TUBGCP3: variants seen among roughly 807,000 people sequenced by gnomAD.
The protein encoded by TUBGCP3 is tubulin gamma complex component 3.
In TUBGCP3, 50 loss-of-function variants were observed where a neutral mutation model predicts 123.1. That is an observed-to-expected ratio of 0.41 (90% confidence interval 0.32 to 0.51). The LOEUF is 0.51. TUBGCP3 is among the 20% of genes least tolerant of loss of function. The probability of loss-of-function intolerance (pLI) is 0.36; values close to 1 mark genes in which losing one functional copy is unlikely to be tolerated. For missense variants in TUBGCP3, 882 were observed against 1,127.0 expected, an observed-to-expected ratio of 0.78 and a Z score of 3.11; for synonymous variants, 405 against 413.9, an observed-to-expected ratio of 0.98 and a Z score of 0.26.
intron 17 of TUBGCP3, among the ~76,000 whole-genome samples, chr13:112,512,427 CAAAAAAAA>C (rs35550857): frequency 5.1e-5 from 2 of 39,460 alleles, no homozygotes; most frequent in Admixed American, 2.7e-4. Context: ...GACTCTGTCT[CAAAAAAAA>C]AAAAAAAAAA....
chr13:112,585,612 A>C (rs866651100), intron 1 of TUBGCP3, among the ~76,000 whole-genome samples: 2 of 152,066 alleles, frequency 1.3e-5, no homozygotes, highest in African/African-American at 4.8e-5. Flanking sequence ...TCTCTACTAA[A>C]AACACAAAAA....
chr13:112,497,249 G>A (rs898739382), intron 20 of TUBGCP3, among the ~76,000 whole-genome samples: 2 of 152,190 alleles, frequency 1.3e-5, no homozygotes, highest in Admixed American at 1.3e-4. Context: ...AAGCCAGTAA[G>A]TTATAGAGTT....
intron 13 of TUBGCP3, among the ~76,000 whole-genome samples, chr13:112,522,919 G>A (rs767725835): frequency 2.6e-5 from 4 of 152,174 alleles, no homozygotes; most frequent in South Asian, 4.1e-4. Flanking sequence ...TGTACAACTC[G>A]CAAAAGTTGA....
At chr13:112,560,570 C>G (rs1467110886) in intron 3 of TUBGCP3, among the ~76,000 whole-genome samples, 2 of 152,208 alleles carry the variant, frequency 1.3e-5, no homozygotes, top group African/African-American at 4.8e-5. Flanking sequence ...ATAACAGCAG[C>G]CAAACCTCAG....
chr13:112,520,170 C>G (rs756160586), intron 14 of TUBGCP3, 149 bp from the exon 15 acceptor site: 16 of 664,322 alleles, frequency 2.4e-5, no homozygotes, highest in Admixed American at 3.2e-5. Flanking sequence ...ACAAAAGCTT[C>G]AGAGCATTAA....
rs376867295 is a variant in TUBGCP3 at position 112,586,799 on chromosome 13, G to T, written c.76+1106C>A. ...CAGCACTTAGCACAGTTCCCGGGGG[G>T]AACTTTGAGGACGGGGTTGTCCTCA... On this transcript the variant is annotated intron_variant, in intron 1 of 21. Coordinates refer to ENST00000261965, the MANE Select transcript of TUBGCP3 (RefSeq NM_006322.6). 2.0e-5 allele frequency among the ~76,000 whole-genome samples: 3 copies of T among 152,110 alleles called. No individual in the cohort carries two copies. The South Asian group carries it at 6.2e-4, about 32-fold the overall frequency.
chr13:112,534,065 G>A (rs1310200922), intron 11 of TUBGCP3, among the ~76,000 whole-genome samples: 1 of 150,638 alleles, frequency 6.6e-6, no homozygotes, highest in African/African-American at 2.4e-5. Flanking sequence ...GGTGTGGAAG[G>A]AGGTGGCACT....
upstream of TUBGCP3, among the ~76,000 whole-genome samples, chr13:112,589,608 T>C (rs1243340755): frequency 1.3e-5 from 2 of 152,232 alleles, no homozygotes; most frequent in Admixed American, 1.3e-4. Flanking sequence ...TGGAATGCTA[T>C]GGAGACAAAG....
At chr13:112,516,754 C>T (rs1488028415) in intron 16 of TUBGCP3, among the ~76,000 whole-genome samples, 179 bp from the exon 17 acceptor site, 1 of 152,098 alleles carries the variant, frequency 6.6e-6, no homozygotes, top group Non-Finnish European at 1.5e-5. Context: ...GATGGGGAAA[C>T]AGAGGCCTAA....
At chr13:112,585,675 T>C (rs1003326599) in intron 1 of TUBGCP3, among the ~76,000 whole-genome samples, 2 of 152,058 alleles carry the variant, frequency 1.3e-5, no homozygotes, top group African/African-American at 4.8e-5. Flanking sequence ...GGGGGGCTGA[T>C]GCAGGAGAAT....
the TUBGCP3 span, among the ~76,000 whole-genome samples, chr13:112,597,830 T>C: frequency 6.6e-6 from 1 of 151,984 alleles, no homozygotes; most frequent in South Asian, 2.1e-4. Flanking sequence ...TGAAAAAGCA[T>C]AACATTCATA....
At chr13:112,587,617 G>A (rs1198659279) in intron 1 of TUBGCP3, among the ~76,000 whole-genome samples, 1 of 152,176 alleles carries the variant, frequency 6.6e-6, no homozygotes, top group Non-Finnish European at 1.5e-5. Context: ...CTCCGGCTCG[G>A]CTCCGCCCTC....
intron 1 of TUBGCP3, among the ~76,000 whole-genome samples, chr13:112,580,365 G>A (rs1882200300): frequency 6.6e-6 from 1 of 151,928 alleles, no homozygotes; most frequent in Non-Finnish European, 1.5e-5. Context: ...GCCCTGCGTG[G>A]TGGCTCACAC....
chr13:112,542,533 AATAATTTTATG>A, intron 11 of TUBGCP3, among the ~76,000 whole-genome samples: 1 of 152,370 alleles, frequency 6.6e-6, no homozygotes, highest in Non-Finnish European at 1.5e-5. Flanking sequence ...AAGTCAATTC[AATAATTTTATG>A]ATACTTTCCA....
chr13:112,500,411 A>G (rs1156727237), intron 19 of TUBGCP3, among the ~76,000 whole-genome samples: 1 of 152,252 alleles, frequency 6.6e-6, no homozygotes, highest in Non-Finnish European at 1.5e-5. Context: ...CAGCCTAGCT[A>G]ACACTCCGAA....
chr13:112,528,634 G>C (rs771960506), intron 11 of TUBGCP3, among the ~76,000 whole-genome samples: 9 of 152,058 alleles, frequency 5.9e-5, no homozygotes, highest in Non-Finnish European at 1.0e-4. Flanking sequence ...TTAAATATTA[G>C]AGATTTAATT....
At chr13:112,538,048 G>A (rs1436813582) in intron 11 of TUBGCP3, among the ~76,000 whole-genome samples, 1 of 152,124 alleles carries the variant, frequency 6.6e-6, no homozygotes, top group East Asian at 1.9e-4. Context: ...ATGAGAAATC[G>A]GCTATTCATC....
chr13:112,557,406 A>G (rs1168439623), intron 5 of TUBGCP3, among the ~76,000 whole-genome samples: 2 of 152,246 alleles, frequency 1.3e-5, no homozygotes, highest in African/African-American at 2.4e-5. Flanking sequence ...AAAATGATTT[A>G]TAATTCTATT....
At position 112,511,848 on chromosome 13, in the gene TUBGCP3, C is replaced by T. The variant is rs1881694362; in HGVS notation, c.2086+4592G>A. Among the ~76,000 whole-genome samples the T allele has an allele frequency of 6.6e-6, 1 of 152,094 alleles. No homozygotes were observed. The highest frequency in any genetic ancestry group is 2.4e-5 in the African/African-American group (1 of 41,406). On this transcript the variant is annotated intron_variant, in intron 17 of 21. Coordinates refer to ENST00000261965, the MANE Select transcript of TUBGCP3 (RefSeq NM_006322.6). The surrounding 1 kb of genome is among the most constrained non-coding windows in gnomAD (Gnocchi z 4.1). ...CTCCGAAGTGCCTTCTACTTGAAAG[C>T]TTTCTAATTATAAGGGACCTGCTGG... is the stretch of plus-strand genomic sequence containing the variant.
Sources: gnomAD v4.1 joint callset for allele counts (sites outside exome capture counted in the v4.1 genomes callset) on GRCh38, gnomAD v4.1.1 for gene constraint, Gnocchi (gnomAD v3.1) non-coding constraint, MANE v1.5 for transcripts, NCBI Gene and HGNC (gene_info 2026-07-23, HGNC 2026-07-21) for gene names.